Variants in OCA2 observed in about 807,000 individuals in gnomAD.
OCA2 encodes OCA2 melanosomal transmembrane protein, also known as P protein.
In OCA2, 77 loss-of-function variants were observed where a neutral mutation model predicts 100.2. That is an observed-to-expected ratio of 0.77 (90% confidence interval 0.64 to 0.93). The LOEUF is 0.93. Among genes scored for constraint, OCA2 ranks in the 40% least tolerant of loss-of-function variants. OCA2 has a pLI of 0.00. For synonymous variants in OCA2, 432 were observed against 439.2 expected (o/e 0.98, Z 0.21); for missense variants, 1,062 against 1,089.1 (o/e 0.98, Z 0.35).
chr15:27,924,440 T>G (rs1230701232), intron 19 of OCA2, among the ~76,000 whole-genome samples: 2 of 152,104 alleles, frequency 1.3e-5, no homozygotes, highest in Non-Finnish European at 2.9e-5. Context: ...TAAAATACAT[T>G]GCACAAAATA....
chr15:27,923,574 T>C (rs2038942475), intron 19 of OCA2, among the ~76,000 whole-genome samples: 1 of 152,234 alleles, frequency 6.6e-6, no homozygotes, highest in South Asian at 2.1e-4. Flanking sequence ...TGAGATGGCA[T>C]TGCATTGTAG....
chr15:28,040,982 A>T (rs2043185015), intron 2 of OCA2, among the ~76,000 whole-genome samples: 1 of 152,092 alleles, frequency 6.6e-6, no homozygotes, highest in African/African-American at 2.4e-5. Context: ...ATTCTGTGAG[A>T]CCTAACTTCC....
chr15:27,750,344 G>A (rs370906004), downstream of OCA2, among the ~76,000 whole-genome samples: 1 of 152,204 alleles, frequency 6.6e-6, no homozygotes, highest in Non-Finnish European at 1.5e-5. Flanking sequence ...TTACATCCCA[G>A]AGGATAAAAT....
At chr15:28,089,880 C>G (rs7165462) in intron 1 of OCA2, among the ~76,000 whole-genome samples, 12,462 of 152,130 alleles carry the variant, frequency 0.082, 1,707 homozygotes, top group African/African-American at 0.29. Context: ...AGTGGTACAC[C>G]AAACCTCAGT....
chr15:28,009,725 C>CAT (rs1304857248), intron 9 of OCA2, among the ~76,000 whole-genome samples: 4 of 148,568 alleles, frequency 2.7e-5, no homozygotes, highest in African/African-American at 1.0e-4. Context: ...CACACACACA[C>CAT]ACAAAGTCAA....
At position 28,069,170 on chromosome 15, in the gene OCA2, T is replaced by C. The variant is rs1416579795; in HGVS notation, c.227+12478A>G. Among the ~76,000 whole-genome samples the C allele has an allele frequency of 2.0e-5, 3 of 151,978 alleles. No homozygotes were observed. In the South Asian group the frequency reaches 6.2e-4, roughly 31 times the overall value. On this transcript the variant is annotated intron_variant, in intron 2 of 23. Coordinates refer to ENST00000354638, the MANE Select transcript of OCA2 (RefSeq NM_000275.3). Reference sequence around the variant, plus strand: ...TCAAGCTATCTCTCTTCACGGACAATATGATTCTATACTTAGAAAATCCTA... The same window carrying C: ...TCAAGCTATCTCTCTTCACGGACAACATGATTCTATACTTAGAAAATCCTA...
At chr15:27,726,386 C>A in the OCA2 span, among the ~76,000 whole-genome samples, 112 of 152,196 alleles carry the variant, frequency 7.4e-4, 1 homozygote, top group Admixed American at 1.7e-3. Flanking sequence ...TTTGTCACAT[C>A]TTCCTCTTGT....
chr15:27,727,280 G>A, the OCA2 span, among the ~76,000 whole-genome samples: 1 of 152,188 alleles, frequency 6.6e-6, no homozygotes, highest in African/African-American at 2.4e-5. Flanking sequence ...CATCAACTGA[G>A]AGTCTAGGAA....
intron 2 of OCA2, among the ~76,000 whole-genome samples, chr15:28,037,016 T>C (rs2043064221): frequency 6.6e-6 from 1 of 152,086 alleles, no homozygotes; most frequent in African/African-American, 2.4e-5. Flanking sequence ...CATCCACAGA[T>C]TCTCCAAGGG....
chr15:27,918,061 CAAT>C lies in OCA2; in HGVS notation c.2079+8063_2079+8065del, dbSNP rs2038729134. The stretch of plus-strand genomic sequence containing the variant: ...TGTTACAGGACAAGCAAAGTTAATG[CAAT>C]AATAATAAGCTCAGCTCCCTCTTGA... On this transcript the variant is annotated intron_variant, in intron 19 of 23. Transcript: ENST00000354638. 4.7e-5 allele frequency among the ~76,000 whole-genome samples: 7 copies of C among 150,108 alleles called. No homozygotes were observed. In the South Asian group the frequency reaches 1.5e-3, roughly 32 times the overall value.
intron 1 of OCA2, among the ~76,000 whole-genome samples, chr15:28,092,914 A>G (rs2044894813): frequency 1.3e-5 from 2 of 152,208 alleles, no homozygotes; most frequent in Admixed American, 6.5e-5. Context: ...TAATGGTGAG[A>G]AACCTGAAGC....
intron 23 of OCA2, among the ~76,000 whole-genome samples, chr15:27,841,905 A>C (rs1019927458): frequency 3.3e-5 from 5 of 152,266 alleles, no homozygotes; most frequent in Non-Finnish European, 5.9e-5. Context: ...TTCAGCAGTG[A>C]AGTTCAATAA....
intron 2 of OCA2, among the ~76,000 whole-genome samples, chr15:28,074,209 T>C (rs1484977904): frequency 6.6e-6 from 1 of 152,202 alleles, no homozygotes. Flanking sequence ...GTGATATTCA[T>C]GACATGATAA....
chr15:27,940,115 G>A (rs1448031311), intron 18 of OCA2, among the ~76,000 whole-genome samples: 2 of 152,164 alleles, frequency 1.3e-5, no homozygotes, highest in East Asian at 3.9e-4. Context: ...CAAATAGAAT[G>A]CATTTCTGAT....
At chr15:27,742,141 G>A in the OCA2 span, among the ~76,000 whole-genome samples, 2 of 152,214 alleles carry the variant, frequency 1.3e-5, no homozygotes, top group Non-Finnish European at 2.9e-5. Context: ...TGGGAGAAGA[G>A]CACCATGCCA....
downstream of OCA2, among the ~76,000 whole-genome samples, chr15:27,751,468 A>G (rs2030062440): frequency 6.6e-6 from 1 of 152,216 alleles, no homozygotes; most frequent in South Asian, 2.1e-4. Context: ...AAGTTGTACC[A>G]ATCATCAAAA....
intron 23 of OCA2, among the ~76,000 whole-genome samples, chr15:27,804,362 G>A (rs1410369666): frequency 6.6e-6 from 1 of 152,158 alleles, no homozygotes; most frequent in Non-Finnish European, 1.5e-5. Context: ...ACACAAGGAA[G>A]GCACAATTAA....
chr15:27,870,580 GAC>G (rs2036506821), intron 21 of OCA2, among the ~76,000 whole-genome samples: 1 of 152,076 alleles, frequency 6.6e-6, no homozygotes, highest in African/African-American at 2.4e-5. Context: ...AGCACTAGGA[GAC>G]ACACAGGCTG....
At chr15:27,935,829 T>C (rs780349956) in intron 18 of OCA2, among the ~76,000 whole-genome samples, 2 of 152,238 alleles carry the variant, frequency 1.3e-5, no homozygotes, top group Non-Finnish European at 2.9e-5. Context: ...TTATAAAAGA[T>C]ATACTGTACA....
Sources: gnomAD v4.1 joint callset for allele counts (sites outside exome capture counted in the v4.1 genomes callset) on GRCh38, gnomAD v4.1.1 for gene constraint, MANE v1.5 for transcripts, NCBI Gene and HGNC (gene_info 2026-07-23, HGNC 2026-07-21) for gene names.